MYO5B: variants seen among roughly 807,000 people sequenced by gnomAD.
MYO5B encodes myosin VB.
Under a neutral mutation model 229.3 loss-of-function variants are expected in MYO5B, and 143 were observed. The observed-to-expected ratio is 0.62, with a 90% CI of 0.54 to 0.72. The LOEUF is 0.72. Ranked by LOEUF, MYO5B falls within the 30% of genes least tolerant of loss-of-function variation. The pLI, the probability that MYO5B is intolerant of heterozygous loss-of-function variation, is 0.00. For synonymous variants in MYO5B, 918 were observed against 885.2 expected (o/e 1.04, Z -0.66); for missense variants, 2,321 against 2,331.0 (o/e 1.00, Z 0.09).
chr18:50,006,913 A>G (rs374633119), intron 4 of MYO5B, among the ~76,000 whole-genome samples: 2 of 152,172 alleles, frequency 1.3e-5, no homozygotes, highest in East Asian at 3.9e-4. Context: ...GTGGTCTCCA[A>G]ACTAGCTATA....
At chr18:49,994,925 T>A (rs2025971165) in intron 5 of MYO5B, among the ~76,000 whole-genome samples, 1 of 152,182 alleles carries the variant, frequency 6.6e-6, no homozygotes, top group Non-Finnish European at 1.5e-5. Context: ...GGGCCCCTTA[T>A]AATCTCATTT....
In MYO5B at chr18:49,890,320, A is replaced by G. The variant is rs537823222; in HGVS notation, c.3045+4621T>C. ...TGGCTGCATCCCCTGAGCATGATAA[A>G]TAACACCTTAGGTTTCAGGACTCAT... On this transcript the variant is annotated intron_variant, in intron 22 of 39. Transcript: ENST00000285039. 7.9e-5 allele frequency among the ~76,000 whole-genome samples: 12 copies of G among 152,278 alleles called. 1 individual carries two copies. Among genetic ancestry groups the G allele is most frequent in the Admixed American group, 7.2e-4 (11 of 15,300 alleles).
chr18:49,911,987 T>C (rs1053246891), intron 18 of MYO5B, 75 bp downstream of exon 18: 1 of 1,093,792 alleles, frequency 9.1e-7, no homozygotes, highest in Non-Finnish European at 1.4e-6. Context: ...AAAAAAAATG[T>C]AGATAACGAC....
At chr18:50,047,571 A>C (rs1373730721) in intron 2 of MYO5B, among the ~76,000 whole-genome samples, 4 of 152,312 alleles carry the variant, frequency 2.6e-5, no homozygotes, top group South Asian at 4.1e-4. Context: ...ACCACTTGAT[A>C]CAGCCATCCC....
rs1171071945 is a variant in MYO5B, at chr18:49,954,022, ATATGTGTGTGTGTGTGTG to A, written c.1668+273_1668+290del. 2.7e-3 allele frequency among the ~76,000 whole-genome samples: 351 copies of A among 129,900 alleles called. 3 individuals are homozygous for A. The highest frequency in any genetic ancestry group is 8.9e-3 in the African/African-American group (298 of 33,588). 85.2% of individuals were successfully genotyped at this position (129,900 alleles called of 152,430 possible). A position where few individuals can be genotyped will look rare whatever the true frequency, so the allele number is the denominator to read the frequency against. On this transcript the variant is annotated intron_variant, in intron 13 of 39. Transcript: ENST00000285039. The stretch of plus-strand genomic sequence containing the variant: ...CAGACATATATGTGTGTATGTATTT[ATATGTGTGTGTGTGTGTG>A]TGTGTGTGTGTGTGTGTGTGTGTGT...
chr18:49,983,688 A>T (rs1323123697), intron 8 of MYO5B, among the ~76,000 whole-genome samples: 1 of 152,158 alleles, frequency 6.6e-6, no homozygotes, highest in Non-Finnish European at 1.5e-5. Flanking sequence ...AATTGTTTAT[A>T]TTAATTTTTC....
chr18:49,974,282 T>C (rs573797267), intron 10 of MYO5B, 68 bp downstream of exon 10: 2 of 1,607,522 alleles, frequency 1.2e-6, no homozygotes, highest in East Asian at 2.2e-5. Flanking sequence ...ATGCCCCTGC[T>C]GGCTGTAAAG....
chr18:50,060,623 A>G (rs2030664262), intron 1 of MYO5B, among the ~76,000 whole-genome samples: 1 of 152,262 alleles, frequency 6.6e-6, no homozygotes, highest in African/African-American at 2.4e-5. Flanking sequence ...TATTTCCTAG[A>G]GAAGGCAGAT....
chr18:49,960,519 C>T (rs2025547176), intron 12 of MYO5B, among the ~76,000 whole-genome samples: 4 of 152,224 alleles, frequency 2.6e-5, no homozygotes, highest in Admixed American at 2.6e-4. Flanking sequence ...CACCCTTTCA[C>T]TGAAGCATAC....
intron 14 of MYO5B, among the ~76,000 whole-genome samples, chr18:49,945,964 T>G (rs997723036): frequency 3.9e-5 from 6 of 152,190 alleles, no homozygotes; most frequent in Admixed American, 3.9e-4. Flanking sequence ...AGCAAAACAC[T>G]GGCTTATTAA....
chr18:49,912,243 C>T lies in MYO5B; in HGVS notation c.2091-70G>A. On this transcript the variant is annotated intron_variant, in intron 17 of 39. Transcript: ENST00000285039. ...TGGCCACACAAAAGCCAGGCGTGAC[C>T]TCAGACAGTTCCCTATGGGGTCAAC... The T allele has an allele frequency of 4.4e-6, 5 of 1,132,204 alleles. No homozygotes were observed. The South Asian group carries it at 6.1e-5, about 14-fold the overall frequency. The allele number at this position is 1,132,204 out of a possible 1,614,324, so 70.1% of individuals were successfully genotyped here. A position where few individuals can be genotyped will look rare whatever the true frequency, so the allele number is the denominator to read the frequency against.
At chr18:49,965,455 T>TCTCACACA (rs1555647768) in intron 10 of MYO5B, among the ~76,000 whole-genome samples, 2 of 147,098 alleles carry the variant, frequency 1.4e-5, no homozygotes, top group Middle Eastern at 3.2e-3. Context: ...ACACTTCTTT[T>TCTCACACA]CACACACACA....
chr18:49,921,259 T>G (rs975476598), intron 17 of MYO5B, among the ~76,000 whole-genome samples: 1 of 141,272 alleles, frequency 7.1e-6, no homozygotes, highest in Non-Finnish European at 1.5e-5. Flanking sequence ...AAGCAGAGTT[T>G]TTTTTTTTTT....
At chr18:49,981,408 A>G (rs78990564) in intron 8 of MYO5B, among the ~76,000 whole-genome samples, 1,751 of 152,346 alleles carry the variant, frequency 0.011, 36 homozygotes, top group African/African-American at 0.04. Context: ...TAACACCTGT[A>G]AAAATGGGAG....
chr18:49,951,969 G>A (rs2025435619), intron 14 of MYO5B, among the ~76,000 whole-genome samples: 1 of 152,170 alleles, frequency 6.6e-6, no homozygotes. Flanking sequence ...GGTCAATCTT[G>A]CATTGAACTC....
intron 3 of MYO5B, among the ~76,000 whole-genome samples, chr18:50,038,376 A>G (rs1204617838): frequency 6.6e-6 from 1 of 152,216 alleles, no homozygotes; most frequent in Non-Finnish European, 1.5e-5. Flanking sequence ...ATTATTCCAC[A>G]TAAAGGGGAA....
At chr18:49,973,701 T>C (rs2025714793) in intron 10 of MYO5B, among the ~76,000 whole-genome samples, 1 of 152,206 alleles carries the variant, frequency 6.6e-6, no homozygotes, top group African/African-American at 2.4e-5. Context: ...GTCTGCTATC[T>C]GTGGAGATTC....
At position 50,001,225 on chromosome 18, in the gene MYO5B, A is replaced by T. The variant is rs748541325; in HGVS notation, c.612+30T>A. 4.4e-5 allele frequency: 71 copies of T among 1,613,882 alleles called. No individual in the cohort carries two copies. In the South Asian group the frequency reaches 7.1e-4, roughly 16 times the overall value. On this transcript the variant is annotated intron_variant, in intron 5 of 39. Transcript: ENST00000285039. ...GCTGCCAGTGGGAGGAGCTCCAGCC[A>T]GGAAGGCCAGGACACCTAGAAGGCT...
intron 33 of MYO5B, among the ~76,000 whole-genome samples, chr18:49,846,083 G>A (rs1483441219): frequency 2.6e-5 from 4 of 152,232 alleles, no homozygotes; most frequent in Non-Finnish European, 5.9e-5. Context: ...GGGAGCACAT[G>A]GGGGTGGGAG....
Sources: allele counts gnomAD v4.1 joint callset (sites outside exome capture counted in the v4.1 genomes callset), GRCh38; gene constraint gnomAD v4.1.1; transcripts MANE v1.5; gene names NCBI Gene and HGNC (gene_info 2026-07-23, HGNC 2026-07-21).